Variants in TSHZ3 observed in about 807,000 individuals in gnomAD.
TSHZ3 encodes teashirt zinc finger homeobox 3.
TSHZ3 carries 10 observed loss-of-function variants against 64.5 expected under a neutral mutation model. The observed-to-expected ratio is 0.16, with a 90% CI of 0.10 to 0.26. TSHZ3 has a LOEUF of 0.26. TSHZ3 is among the 10% of genes least tolerant of loss of function. The pLI is 1.00. For synonymous variants in TSHZ3, 608 were observed against 593.1 expected, an observed-to-expected ratio of 1.03 and a Z score of -0.36; for missense variants, 1,242 against 1,421.7, an observed-to-expected ratio of 0.87 and a Z score of 2.03.
intron 5 of TSHZ3, among the ~76,000 whole-genome samples, chr19:31,180,078 A>G (rs1191257260): frequency 2.6e-5 from 4 of 152,158 alleles, no homozygotes; most frequent in African/African-American, 9.7e-5. Flanking sequence ...AATTTGTATT[A>G]TAATTACATT....
downstream of TSHZ3, among the ~76,000 whole-genome samples, chr19:31,272,912 C>T (rs1264589952): frequency 1.3e-5 from 2 of 152,176 alleles, no homozygotes; most frequent in Non-Finnish European, 2.9e-5. Context: ...CTCCTCCCTG[C>T]ACCCATTTAA....
chr19:31,349,031 G>A (rs2021611374), intron 1 of TSHZ3, 149 bp downstream of exon 1: 2 of 977,200 alleles, frequency 2.0e-6, no homozygotes, highest in Admixed American at 3.4e-5. Context: ...CCCGAGGCGG[G>A]CGCACGCACC....
At chr19:31,260,876 C>A (rs937616808) in intron 1 of TSHZ3, among the ~76,000 whole-genome samples, 2 of 152,198 alleles carry the variant, frequency 1.3e-5, no homozygotes, top group Non-Finnish European at 2.9e-5. Flanking sequence ...TGTGAGAATC[C>A]ATTCACCACA....
intron 5 of TSHZ3, among the ~76,000 whole-genome samples, chr19:31,179,716 CAAT>C (rs1321331811): frequency 2.1e-5 from 3 of 140,336 alleles, no homozygotes; most frequent in East Asian, 2.1e-4. Context: ...GTGGTGGTAA[CAAT>C]GATGATGGTA....
intron 1 of TSHZ3, among the ~76,000 whole-genome samples, chr19:31,320,485 G>A (rs1462444655): frequency 6.6e-6 from 1 of 152,150 alleles, no homozygotes; most frequent in Non-Finnish European, 1.5e-5. Context: ...GACACCTGGA[G>A]TGACAGGTGT....
chr19:31,225,450 C>A (rs1975446464), intron 4 of TSHZ3, among the ~76,000 whole-genome samples: 1 of 152,210 alleles, frequency 6.6e-6, no homozygotes, highest in African/African-American at 2.4e-5. Context: ...CGTTCACCAA[C>A]CCTTTTACCA....
At chr19:31,208,658 C>T (rs1457222357) in intron 4 of TSHZ3, among the ~76,000 whole-genome samples, 1 of 152,160 alleles carries the variant, frequency 6.6e-6, no homozygotes, top group Non-Finnish European at 1.5e-5. Context: ...AATTCCCTGG[C>T]ACATAGCATG....
At chr19:31,236,690 C>T (rs12975790) in intron 3 of TSHZ3, among the ~76,000 whole-genome samples, 43,296 of 151,984 alleles carry the variant, frequency 0.28, 6,552 homozygotes, top group Middle Eastern at 0.44. Context: ...AAAGACTCAA[C>T]TGTAAGACCT....
At chr19:31,281,394 G>C (rs1976359312) in intron 1 of TSHZ3, among the ~76,000 whole-genome samples, 1 of 152,142 alleles carries the variant, frequency 6.6e-6, no homozygotes, top group Admixed American at 6.5e-5. Context: ...TCCCAACACT[G>C]ATGTAATGTG....
At chr19:31,295,398 A>G (rs1048491751) in intron 1 of TSHZ3, among the ~76,000 whole-genome samples, 1 of 152,252 alleles carries the variant, frequency 6.6e-6, no homozygotes, top group African/African-American at 2.4e-5. Context: ...AGCAACTGGA[A>G]AGGATTCAAA....
At chr19:31,324,277 T>C (rs779884550) in intron 1 of TSHZ3, among the ~76,000 whole-genome samples, 16 of 152,234 alleles carry the variant, frequency 1.1e-4, no homozygotes, top group Non-Finnish European at 1.0e-4. Context: ...GAATTTTCAT[T>C]TTTAACGTTT....
chr19:31,344,831 G>A (rs918038167), intron 1 of TSHZ3, among the ~76,000 whole-genome samples: 2 of 152,176 alleles, frequency 1.3e-5, no homozygotes, highest in African/African-American at 4.8e-5. Context: ...CTAATCACTT[G>A]ACAAAACAAT....
At chr19:31,181,799 C>A (rs1974720912) in intron 5 of TSHZ3, among the ~76,000 whole-genome samples, 1 of 152,114 alleles carries the variant, frequency 6.6e-6, no homozygotes, top group African/African-American at 2.4e-5. Flanking sequence ...TTTCTTTTTG[C>A]AATATTTTCA....
intron 1 of TSHZ3, among the ~76,000 whole-genome samples, chr19:31,307,942 C>A (rs780587555): frequency 2.6e-4 from 39 of 152,232 alleles, no homozygotes; most frequent in Middle Eastern, 3.4e-3. Context: ...AAGGGGCCAC[C>A]CCAGCTATAA....
At chr19:31,346,158 G>A (rs1917586839) in intron 1 of TSHZ3, among the ~76,000 whole-genome samples, 1 of 152,170 alleles carries the variant, frequency 6.6e-6, no homozygotes, top group Non-Finnish European at 1.5e-5. Flanking sequence ...GGAAAGCAAT[G>A]ATACATTGGC....
intron 1 of TSHZ3, among the ~76,000 whole-genome samples, chr19:31,310,354 T>C (rs1294720734): frequency 1.3e-5 from 2 of 152,096 alleles, no homozygotes; most frequent in South Asian, 2.1e-4. Flanking sequence ...CCTAGGAAGA[T>C]GTGAGGGTTT....
chr19:31,157,722 C>A (rs374693752), intron 5 of TSHZ3, among the ~76,000 whole-genome samples: 1 of 152,310 alleles, frequency 6.6e-6, no homozygotes, highest in Admixed American at 6.5e-5. Flanking sequence ...TGATTCTAAT[C>A]GCCTATGGGA....
At chr19:31,314,742 G>A (rs1916556889) in intron 1 of TSHZ3, among the ~76,000 whole-genome samples, 1 of 152,224 alleles carries the variant, frequency 6.6e-6, no homozygotes, top group Non-Finnish European at 1.5e-5. Context: ...ACCTTGCTCT[G>A]TAATCACCGT....
At chr19:31,320,275 G>T (rs891582760) in intron 1 of TSHZ3, among the ~76,000 whole-genome samples, 1 of 152,132 alleles carries the variant, frequency 6.6e-6, no homozygotes, top group Non-Finnish European at 1.5e-5. Context: ...TACTAGGCTC[G>T]TGTTTGCTTC....
Sources: gnomAD v4.1 joint callset for allele counts (sites outside exome capture counted in the v4.1 genomes callset) on GRCh38, gnomAD v4.1.1 for gene constraint, MANE v1.5 for transcripts, NCBI Gene and HGNC (gene_info 2026-07-23, HGNC 2026-07-21) for gene names.